KLRG1: variants seen among roughly 807,000 people sequenced by gnomAD.
KLRG1 encodes the protein killer cell lectin-like receptor subfamily G member 1.
Under a neutral mutation model 21.8 loss-of-function variants are expected in KLRG1, and 16 were observed. The ratio of observed to expected loss-of-function variants is 0.73; its 90% CI spans 0.50 to 1.11. The LOEUF (loss-of-function observed/expected upper bound fraction) is 1.11, where lower values mean the gene tolerates loss of function less well. Among genes scored for constraint, KLRG1 ranks in the 50% most tolerant of loss-of-function variants. KLRG1 has a pLI of 0.00. For missense variants in KLRG1, 173 were observed against 218.3 expected, an observed-to-expected ratio of 0.79 and a Z score of 1.31; for synonymous variants, 69 against 75.9, an observed-to-expected ratio of 0.91 and a Z score of 0.47.
At chr12:8,998,976 C>T (rs1233117346) in intron 3 of KLRG1, among the ~76,000 whole-genome samples, 1 of 151,996 alleles carries the variant, frequency 6.6e-6, no homozygotes, top group African/African-American at 2.4e-5. Flanking sequence ...TCGCCTTGGT[C>T]TCCCAAAGTG....
the KLRG1 span, among the ~76,000 whole-genome samples, chr12:9,122,899 G>C: frequency 6.8e-6 from 1 of 148,116 alleles, no homozygotes; most frequent in Admixed American, 6.8e-5. Flanking sequence ...AAAAAGGCAT[G>C]GTATTTAAGA....
the KLRG1 span, chr12:9,152,398 G>A: frequency 1.0e-6 from 1 of 965,872 alleles, no homozygotes. Flanking sequence ...AAGCCTGTCT[G>A]TCTTCAAGAA....
chr12:9,073,561 T>G, the KLRG1 span, among the ~76,000 whole-genome samples: 1 of 152,234 alleles, frequency 6.6e-6, no homozygotes, highest in Non-Finnish European at 1.5e-5. Context: ...TTAGTTTTTT[T>G]CATTCATATG....
At chr12:9,198,969 G>T in the KLRG1 span, among the ~76,000 whole-genome samples, 1 of 152,114 alleles carries the variant, frequency 6.6e-6, no homozygotes, top group Non-Finnish European at 1.5e-5. Context: ...CTGTTTGTTT[G>T]TAGGCTATCA....
chr12:9,169,177 C>G, the KLRG1 span, among the ~76,000 whole-genome samples: 15 of 94,034 alleles, frequency 1.6e-4, no homozygotes, highest in African/African-American at 4.4e-4. Context: ...TTTTGGTTTG[C>G]AAATAAAAAA....
the KLRG1 span, among the ~76,000 whole-genome samples, chr12:9,154,408 G>T: frequency 1.3e-5 from 2 of 152,212 alleles, no homozygotes; most frequent in Non-Finnish European, 2.9e-5. Context: ...ACGTCTCCAT[G>T]TTGCTAATAT....
chr12:9,062,616 C>T, the KLRG1 span, among the ~76,000 whole-genome samples: 1 of 146,468 alleles, frequency 6.8e-6, no homozygotes, highest in African/African-American at 2.5e-5. Flanking sequence ...TTGTATTATA[C>T]ATATATGTAT....
chr12:9,047,265 G>A, the KLRG1 span, among the ~76,000 whole-genome samples: 1 of 152,184 alleles, frequency 6.6e-6, no homozygotes, highest in Non-Finnish European at 1.5e-5. Context: ...GGTGTGACAG[G>A]AATGTTATAA....
the KLRG1 span, chr12:9,150,673 A>G: frequency 1.5e-4 from 245 of 1,611,498 alleles, no homozygotes; most frequent in African/African-American, 2.7e-3. Flanking sequence ...GACTTTAACA[A>G]TTGCTGGCTT....
the KLRG1 span, among the ~76,000 whole-genome samples, chr12:9,191,536 A>C: frequency 6.6e-6 from 1 of 152,162 alleles, no homozygotes. Flanking sequence ...GCAGGAAGAG[A>C]AACTACATAA....
At chr12:8,982,804 C>T (rs192637575) in intron 1 of KLRG1, among the ~76,000 whole-genome samples, 4 of 152,230 alleles carry the variant, frequency 2.6e-5, no homozygotes, top group Non-Finnish European at 4.4e-5. Flanking sequence ...TGCCACCACG[C>T]CTGGCTATTT....
the KLRG1 span, chr12:9,095,818 G>T: frequency 3.7e-6 from 3 of 821,254 alleles, no homozygotes; most frequent in African/African-American, 5.9e-5. Context: ...GGACTGCAGT[G>T]GCGCAATCTC....
Position 8,995,686 on chromosome 12 carries a change from C to CT in KLRG1, c.357+414dup, listed in dbSNP as rs34680435. On this transcript the variant is annotated intron_variant, in intron 3 of 4. Coordinates refer to ENST00000356986, the MANE Select transcript of KLRG1 (RefSeq NM_005810.4). The stretch of plus-strand genomic sequence containing the variant: ...AGGTCCAACAACAAGGCAGCAGATT[C>CT]TTTTTTTTTTTTTTTTGACAGAGTC... Among the ~76,000 whole-genome samples, 1,121 of 141,508 alleles carry CT rather than the reference C, an allele frequency of 7.9e-3. 16 individuals carry two copies. Among genetic ancestry groups the CT allele is most frequent in the African/African-American group, 0.026 (982 of 38,486 alleles). 92.8% of individuals were successfully genotyped at this position (141,508 alleles called of 152,430 possible).
intron 1 of KLRG1, among the ~76,000 whole-genome samples, chr12:8,976,184 A>G (rs907500945): frequency 6.6e-5 from 10 of 152,138 alleles, no homozygotes; most frequent in African/African-American, 2.4e-4. Flanking sequence ...GTTTGCAGAT[A>G]GTTTTAAAAT....
At chr12:9,188,417 T>C in the KLRG1 span, among the ~76,000 whole-genome samples, 5 of 152,160 alleles carry the variant, frequency 3.3e-5, no homozygotes, top group African/African-American at 1.2e-4. Context: ...GCCAACATCA[T>C]ACTGAATGGG....
At chr12:9,008,237 C>T (rs1947531936) in intron 3 of KLRG1, among the ~76,000 whole-genome samples, 1 of 152,180 alleles carries the variant, frequency 6.6e-6, no homozygotes, top group African/African-American at 2.4e-5. Context: ...GGAAAGATGA[C>T]CACTTCTGCA....
the KLRG1 span, chr12:9,166,043 G>T: frequency 6.3e-7 from 1 of 1,598,360 alleles, no homozygotes; most frequent in Non-Finnish European, 8.5e-7. Flanking sequence ...GGAAAGTAAA[G>T]TTACTTACTT....
the KLRG1 span, among the ~76,000 whole-genome samples, chr12:9,096,550 A>G: frequency 6.6e-6 from 1 of 152,250 alleles, no homozygotes; most frequent in South Asian, 2.1e-4. Context: ...CCAGATCTTC[A>G]TATAATACAT....
chr12:9,203,385 A>G, the KLRG1 span, among the ~76,000 whole-genome samples: 1 of 126,186 alleles, frequency 7.9e-6, no homozygotes, highest in African/African-American at 3.1e-5. Context: ...TCTGTCGCCC[A>G]GGCTGGAGTG....
Sources: gnomAD v4.1 joint callset for allele counts (sites outside exome capture counted in the v4.1 genomes callset) on GRCh38, gnomAD v4.1.1 for gene constraint, MANE v1.5 for transcripts, NCBI Gene and HGNC (gene_info 2026-07-23, HGNC 2026-07-21) for gene names.